The following OR14A2 variants were observed in gnomAD, a reference collection of about 807,000 sequenced individuals.
The protein encoded by OR14A2 is olfactory receptor family 14 subfamily A member 2.
For synonymous variants in OR14A2, 114 were observed against 58.6 expected (o/e 1.95, Z -4.32); for missense variants, 237 against 152.9 (o/e 1.55, Z -2.90).
chr1:247,732,051 T>C, the OR14A2 span, among the ~76,000 whole-genome samples: 1 of 152,230 alleles, frequency 6.6e-6, no homozygotes, highest in Admixed American at 6.5e-5. Context: ...TTATTTCATT[T>C]GCAGTAGCTT....
exon 1 of OR14A2, chr1:247,723,650 C>T (rs1293448254): frequency 7.0e-6 from 5 of 718,384 alleles, no homozygotes; most frequent in Non-Finnish European, 1.3e-5. Flanking sequence ...TTCATGATTA[C>T]CTCGTAGTTC....
chr1:247,741,039 A>T, the OR14A2 span, among the ~76,000 whole-genome samples: 2 of 152,134 alleles, frequency 1.3e-5, no homozygotes, highest in Admixed American at 1.3e-4. Context: ...GAAATCTTCT[A>T]TTTGCCCAAA....
At chr1:247,743,594 A>G in the OR14A2 span, among the ~76,000 whole-genome samples, 12 of 152,192 alleles carry the variant, frequency 7.9e-5, no homozygotes, top group South Asian at 2.1e-4. Context: ...GATGCATTTC[A>G]TTCATAATTA....
At chr1:247,747,073 A>T in the OR14A2 span, 1 of 152,212 alleles carries the variant, frequency 6.6e-6, no homozygotes, top group Non-Finnish European at 1.5e-5. Context: ...TTGAGATTTG[A>T]GTTCATTTGT....
At chr1:247,747,195 A>T in the OR14A2 span, 1 of 152,148 alleles carries the variant, frequency 6.6e-6, no homozygotes, top group Admixed American at 6.6e-5. Context: ...TCCTTTCCAT[A>T]GTAGTCCAAG....
the OR14A2 span, among the ~76,000 whole-genome samples, chr1:247,729,626 C>A: frequency 6.6e-5 from 10 of 152,038 alleles, no homozygotes; most frequent in Non-Finnish European, 1.3e-4. Context: ...ATAGTTATTT[C>A]ATTTGATTTG....
At chr1:247,744,897 T>G in the OR14A2 span, among the ~76,000 whole-genome samples, 477 of 152,284 alleles carry the variant, frequency 3.1e-3, 3 homozygotes, top group African/African-American at 0.011. This position sits in a 1 kb window ranked among gnomAD's most constrained non-coding sequence, Gnocchi z 4.3. Context: ...ATTATGAAGT[T>G]ATAAATTGGA....
At chr1:247,741,332 C>G in the OR14A2 span, among the ~76,000 whole-genome samples, 1 of 152,190 alleles carries the variant, frequency 6.6e-6, no homozygotes, top group Non-Finnish European at 1.5e-5. Flanking sequence ...GTGCAGTTCA[C>G]AGTTGTGAGC....
At chr1:247,744,884 G>C in the OR14A2 span, among the ~76,000 whole-genome samples, 1 of 152,172 alleles carries the variant, frequency 6.6e-6, no homozygotes, top group South Asian at 2.1e-4. The surrounding 1 kb of genome is among the most constrained non-coding windows in gnomAD (Gnocchi z 4.3). Context: ...CAGGAAAGGG[G>C]AGATTATGAA....
chr1:247,733,015 G>T, the OR14A2 span, among the ~76,000 whole-genome samples: 1 of 152,124 alleles, frequency 6.6e-6, no homozygotes, highest in Non-Finnish European at 1.5e-5. Flanking sequence ...TTATTTGAAA[G>T]CCTTAGTGGG....
chr1:247,746,783 C>G, the OR14A2 span: 1 of 152,204 alleles, frequency 6.6e-6, no homozygotes, highest in African/African-American at 2.4e-5. Flanking sequence ...GCACATTTCT[C>G]AGACCATGAG....
At chr1:247,737,779 C>T in the OR14A2 span, among the ~76,000 whole-genome samples, 101 of 152,106 alleles carry the variant, frequency 6.6e-4, no homozygotes, top group South Asian at 1.5e-3. Context: ...TTGGGGTGTG[C>T]GAGGGATCTC....
chr1:247,728,751 G>A (rs1404419938), upstream of OR14A2, among the ~76,000 whole-genome samples: 2 of 151,978 alleles, frequency 1.3e-5, no homozygotes, highest in Non-Finnish European at 2.9e-5. Flanking sequence ...AATTAATACC[G>A]TAAAATAATT....
At chr1:247,742,185 A>G in the OR14A2 span, among the ~76,000 whole-genome samples, 1 of 152,142 alleles carries the variant, frequency 6.6e-6, no homozygotes, top group Non-Finnish European at 1.5e-5. Flanking sequence ...TTTTATTTCA[A>G]ATACCATGTA....
chr1:247,739,189 C>G, the OR14A2 span: 5 of 780,720 alleles, frequency 6.4e-6, no homozygotes, highest in East Asian at 2.4e-5. Context: ...AAAGAACATG[C>G]CATCATTAGT....
chr1:247,737,692 A>G, the OR14A2 span, among the ~76,000 whole-genome samples: 2 of 152,150 alleles, frequency 1.3e-5, no homozygotes, highest in Non-Finnish European at 2.9e-5. Context: ...CATTGAAGTG[A>G]TACTAAAGTA....
At chr1:247,728,659 G>A (rs980074940), upstream of OR14A2, among the ~76,000 whole-genome samples, 3 of 152,130 alleles carry the variant, frequency 2.0e-5, no homozygotes, top group African/African-American at 7.2e-5. Context: ...TGACATGATT[G>A]TATATCTGGA....
chr1:247,734,701 A>C, the OR14A2 span, among the ~76,000 whole-genome samples: 2 of 152,344 alleles, frequency 1.3e-5, no homozygotes, highest in African/African-American at 4.8e-5. Flanking sequence ...TTTAAAATGT[A>C]GATAATGAAG....
the OR14A2 span, among the ~76,000 whole-genome samples, chr1:247,737,671 G>C: frequency 6.6e-6 from 1 of 152,088 alleles, no homozygotes; most frequent in Non-Finnish European, 1.5e-5. Context: ...AGGGGAAAGT[G>C]AAAAAATTGC....
Sources: gnomAD v4.1 joint callset for allele counts (sites outside exome capture counted in the v4.1 genomes callset) on GRCh38, gnomAD v4.1.1 for gene constraint, Gnocchi (gnomAD v3.1) non-coding constraint, MANE v1.5 for transcripts, NCBI Gene and HGNC (gene_info 2026-07-23, HGNC 2026-07-21) for gene names.